Variants in PDE6G observed in about 807,000 individuals in gnomAD.
PDE6G encodes the protein rod cGMP 3',5'-cyclic phosphodiesterase subunit gamma.
In PDE6G, 10 loss-of-function variants were observed where a neutral mutation model predicts 10.9. The observed-to-expected ratio is 0.91, with a 90% CI of 0.56 to 1.55. The LOEUF is 1.55. Among genes scored for constraint, PDE6G ranks in the 40% most tolerant of loss-of-function variants. The pLI is 0.00. For synonymous variants in PDE6G, 41 were observed against 42.8 expected, an observed-to-expected ratio of 0.96 and a Z score of 0.16; for missense variants, 102 against 110.1, an observed-to-expected ratio of 0.93 and a Z score of 0.33.
At chr17:81,661,049 G>A (rs2036506168), upstream of PDE6G, among the ~76,000 whole-genome samples, 1 of 152,156 alleles carries the variant, frequency 6.6e-6, no homozygotes, top group Non-Finnish European at 1.5e-5. Context: ...TCCCAAGTAG[G>A]TGGGATTACA....
upstream of PDE6G, among the ~76,000 whole-genome samples, chr17:81,657,292 C>G (rs550466591): frequency 8.2e-4 from 125 of 152,342 alleles, 1 homozygote; most frequent in African/African-American, 2.9e-3. Flanking sequence ...GGACTGGCCT[C>G]TGACCACCCT....
At chr17:81,662,578 G>A (rs906534687) in intron 1 of PDE6G, among the ~76,000 whole-genome samples, 7 of 151,874 alleles carry the variant, frequency 4.6e-5, no homozygotes, top group Non-Finnish European at 7.4e-5. Flanking sequence ...AGCCGAGATC[G>A]CGCCACTGCA....
chr17:81,651,017 G>T lies in PDE6G; in HGVS notation c.*57C>A. On this transcript the variant is annotated 3_prime_UTR_variant, in exon 4 of 4. Transcript: ENST00000331056. This position sits in a 1 kb window ranked among gnomAD's most constrained non-coding sequence, Gnocchi z 4.8. ...ATCTCCTCAACAGGAATCCTGAGCAGGGTTTAGAGCACAGTGGGCAGGAGG... is the reference window on the plus strand; with the variant it reads ...ATCTCCTCAACAGGAATCCTGAGCATGGTTTAGAGCACAGTGGGCAGGAGG... 1 of 1,287,934 alleles carries T rather than the reference G, an allele frequency of 7.8e-7. No individual in the cohort carries two copies. Among genetic ancestry groups the T allele is most frequent in the South Asian group, 1.2e-5 (1 of 84,486 alleles). 79.8% of individuals were successfully genotyped at this position (1,287,934 alleles called of 1,614,324 possible).
At chr17:81,658,647 C>G (rs570166464), upstream of PDE6G, among the ~76,000 whole-genome samples, 7 of 152,126 alleles carry the variant, frequency 4.6e-5, no homozygotes, top group East Asian at 1.4e-3. Context: ...TCAAGACCAG[C>G]CTGGCCAACA....
At chr17:81,663,080 A>G (rs1488981876) in exon 1 of PDE6G, 1 of 152,212 alleles carries the variant, frequency 6.6e-6, no homozygotes, top group African/African-American at 2.4e-5. Context: ...TTGCTGAGAA[A>G]AGTGCGTCGG....
At chr17:81,656,598 T>C (rs933726532), upstream of PDE6G, 1 of 744,188 alleles carries the variant, frequency 1.3e-6, no homozygotes, top group East Asian at 2.5e-5. Context: ...TGATTAGGCG[T>C]CTCAGTGCCA....
chr17:81,660,232 C>T (rs956192812), upstream of PDE6G, among the ~76,000 whole-genome samples: 5 of 151,744 alleles, frequency 3.3e-5, no homozygotes, highest in Admixed American at 1.3e-4. Context: ...GCCAACATGG[C>T]GAAACCCTGT....
At position 81,653,616 on chromosome 17, in the gene PDE6G, T is replaced by C. The variant is rs578072530; in HGVS notation, c.-59-252A>G. ...CCACACACAGCTCCGGACTCCCCCCTGTCCTGGCCTCCCTCGCCCCGGCCC... is the reference window on the plus strand; with the variant it reads ...CCACACACAGCTCCGGACTCCCCCCCGTCCTGGCCTCCCTCGCCCCGGCCC... On this transcript the variant is annotated intron_variant, in intron 1 of 3. Transcript: ENST00000331056. This position sits in a 1 kb window ranked among gnomAD's most constrained non-coding sequence, Gnocchi z 5.2. 1.7e-4 allele frequency: 71 copies of C among 426,386 alleles called. No homozygotes were observed. Among genetic ancestry groups the C allele is most frequent in the African/African-American group, 1.1e-3 (53 of 49,832 alleles). The allele number at this position is 426,386 out of a possible 1,614,324, so 26.4% of individuals were successfully genotyped here.
chr17:81,653,321 G>C lies in PDE6G; in HGVS notation c.-16C>G. 6.2e-7 allele frequency: 1 copy of C among 1,611,014 alleles called. No individual in the cohort carries two copies. Among genetic ancestry groups the C allele is most frequent in the South Asian group, 1.1e-5 (1 of 91,066 alleles). The stretch of plus-strand genomic sequence containing the variant: ...CCAGGTTCATGGTGAGGCTGACGGA[G>C]ACACCGCGGCAACCTTGGCTCCTGG... On this transcript the variant is annotated 5_prime_UTR_variant, in exon 2 of 4. Coordinates refer to ENST00000331056, the MANE Select transcript of PDE6G (RefSeq NM_002602.4). This position sits in a 1 kb window ranked among gnomAD's most constrained non-coding sequence, Gnocchi z 5.2.
At chr17:81,656,821 C>G (rs1447755955), upstream of PDE6G, 7 of 587,478 alleles carry the variant, frequency 1.2e-5, no homozygotes, top group Non-Finnish European at 2.1e-5. Context: ...TCTTGGGCCT[C>G]CCTACTGCCT....
At chr17:81,654,019 A>T (rs2036410347) in intron 1 of PDE6G, among the ~76,000 whole-genome samples, 1 of 152,098 alleles carries the variant, frequency 6.6e-6, no homozygotes, top group South Asian at 2.1e-4. Flanking sequence ...GGGTTTCACC[A>T]TGTTGACGAG....
chr17:81,660,621 A>G (rs2036501398), upstream of PDE6G, among the ~76,000 whole-genome samples: 2 of 152,130 alleles, frequency 1.3e-5, no homozygotes, highest in Non-Finnish European at 2.9e-5. Flanking sequence ...CCTCCTGAGT[A>G]GCTGGGACTA....
upstream of PDE6G, among the ~76,000 whole-genome samples, chr17:81,660,210 G>A (rs1325979031): frequency 6.6e-6 from 1 of 152,126 alleles, no homozygotes; most frequent in African/African-American, 2.4e-5. Context: ...CCAGGTGTTC[G>A]ACACCAGCTT....
chr17:81,661,548 C>A (rs976840038), intron 1 of PDE6G, among the ~76,000 whole-genome samples: 1 of 152,116 alleles, frequency 6.6e-6, no homozygotes, highest in South Asian at 2.1e-4. Flanking sequence ...GAAACCCCGT[C>A]TCTACTAAAA....
rs539629887 is a variant in PDE6G, at chr17:81,653,087, C to T, written c.146+73G>A. ...AGTGAAGTGGCCCCAGGCTCTGCCC[C>T]GCCCTCCCCTTCCTGTGCAGCCTCA... On this transcript the variant is annotated intron_variant, in intron 2 of 3. Transcript: ENST00000331056. This position sits in a 1 kb window ranked among gnomAD's most constrained non-coding sequence, Gnocchi z 5.2. The T allele has an allele frequency of 4.5e-6, 7 of 1,565,116 alleles. No individual in the cohort carries two copies. The highest frequency in any genetic ancestry group is 4.5e-5 in the East Asian group (2 of 44,592).
At chr17:81,652,799 C>T (rs1309725901) in intron 2 of PDE6G, among the ~76,000 whole-genome samples, 1 of 45,986 alleles carries the variant, frequency 2.2e-5, no homozygotes, top group Non-Finnish European at 3.7e-5. Context: ...GTCTCAAACT[C>T]GCGATCCTAG....
upstream of PDE6G, chr17:81,656,838 A>C: frequency 5.3e-6 from 3 of 562,154 alleles, no homozygotes; most frequent in Non-Finnish European, 9.6e-6. Flanking sequence ...GCCTTTCCTG[A>C]CCCTGCCTGA....
Position 81,651,965 on chromosome 17 carries a change from G to T in PDE6G, c.147-280C>A, listed in dbSNP as rs1016280914. On this transcript the variant is annotated intron_variant, in intron 2 of 3. Coordinates refer to ENST00000331056, the MANE Select transcript of PDE6G (RefSeq NM_002602.4). This position sits in a 1 kb window ranked among gnomAD's most constrained non-coding sequence, Gnocchi z 4.8. ...CTGGGCAGGTGCGTGCCCTGGGGGA[G>T]TACGGGGGGGTGCGTGGTTGGTGCA... Among the ~76,000 whole-genome samples, 1 of 152,210 alleles carries T rather than the reference G, an allele frequency of 6.6e-6. No individual in the cohort carries two copies. Among genetic ancestry groups the T allele is most frequent in the Non-Finnish European group, 1.5e-5 (1 of 68,024 alleles).
rs1335990029 is a variant in PDE6G at position 81,656,511 on chromosome 17, CAG to C, written c.-80_-79del. 4 of 763,704 alleles carry C rather than the reference CAG, an allele frequency of 5.2e-6. No homozygotes were observed. The highest frequency in any genetic ancestry group is 7.2e-6 in the Non-Finnish European group (3 of 417,416). 47.3% of individuals were successfully genotyped at this position (763,704 alleles called of 1,614,324 possible). On this transcript the variant is annotated 5_prime_UTR_variant, in exon 1 of 4. Transcript: ENST00000331056. ...TACTCACCAAGTGCAGGGCGGGTCT[CAG>C]GGGGCTGTGCTGTGAGTGCTGGGCC...
Sources: allele counts gnomAD v4.1 joint callset (sites outside exome capture counted in the v4.1 genomes callset), GRCh38; gene constraint gnomAD v4.1.1; non-coding constraint Gnocchi (gnomAD v3.1); transcripts MANE v1.5; gene names NCBI Gene and HGNC (gene_info 2026-07-23, HGNC 2026-07-21).